The following NDUFAF6 variants were observed in gnomAD, a reference collection of about 807,000 sequenced individuals.
The protein encoded by NDUFAF6 is NADH dehydrogenase (ubiquinone) complex I, assembly factor 6.
Under a neutral mutation model 40.8 loss-of-function variants are expected in NDUFAF6, and 45 were observed. The ratio of observed to expected loss-of-function variants is 1.10; its 90% CI spans 0.87 to 1.42. NDUFAF6 has a LOEUF of 1.42. Ranked by LOEUF, NDUFAF6 falls within the 40% of genes most tolerant of loss-of-function variation. NDUFAF6 has a pLI of 0.00. For synonymous variants in NDUFAF6, 185 were observed against 155.9 expected, an observed-to-expected ratio of 1.19 and a Z score of -1.39; for missense variants, 435 against 418.5, an observed-to-expected ratio of 1.04 and a Z score of -0.34.
chr8:95,008,265 T>A (rs1210830284), intron 2 of NDUFAF6, among the ~76,000 whole-genome samples: 1 of 152,232 alleles, frequency 6.6e-6, no homozygotes, highest in Admixed American at 6.5e-5. Flanking sequence ...ATGATCATCA[T>A]CAACTCTTAC....
At chr8:94,944,846 C>A (rs1262194442) in intron 1 of NDUFAF6, among the ~76,000 whole-genome samples, 2 of 152,276 alleles carry the variant, frequency 1.3e-5, no homozygotes, top group East Asian at 3.9e-4. Context: ...GCTGAATCAC[C>A]TCGTCACTCT....
chr8:94,940,815 C>T, intron 1 of NDUFAF6: 1 of 1,586,372 alleles, frequency 6.3e-7, no homozygotes, highest in Non-Finnish European at 8.6e-7. Context: ...CACCAAGTAA[C>T]CAAGTGTACC....
downstream of NDUFAF6, among the ~76,000 whole-genome samples, chr8:95,078,369 C>T (rs889038945): frequency 3.3e-5 from 5 of 152,026 alleles, no homozygotes; most frequent in South Asian, 2.1e-4. Flanking sequence ...CCAGGCTGGG[C>T]GCAGTGGCTC....
intron 1 of NDUFAF6, among the ~76,000 whole-genome samples, chr8:94,935,132 GA>G (rs1248831601): frequency 1.7e-4 from 24 of 141,614 alleles, no homozygotes; most frequent in African/African-American, 5.6e-4. Flanking sequence ...GATAGATATA[GA>G]TAGATAGATA....
intron 1 of NDUFAF6, among the ~76,000 whole-genome samples, chr8:94,916,975 A>G (rs984383422): frequency 6.6e-6 from 1 of 151,566 alleles, no homozygotes; most frequent in Non-Finnish European, 1.5e-5. Flanking sequence ...TTAGCCAGGC[A>G]TGGTGGCGGG....
At chr8:94,980,930 C>A (rs1188173625) in exon 2 of NDUFAF6, 2 of 456,606 alleles carry the variant, frequency 4.4e-6, no homozygotes, top group Admixed American at 4.7e-5. Flanking sequence ...ATGACCCAGG[C>A]CTATGCCAAT....
At chr8:95,099,381 T>C (rs191432759), upstream of NDUFAF6, among the ~76,000 whole-genome samples, 70 of 151,394 alleles carry the variant, frequency 4.6e-4, no homozygotes, top group Admixed American at 4.1e-3. Context: ...CTCTCATCTG[T>C]GCCTTCCTCC....
At chr8:94,993,875 A>T (rs1041227600) in intron 2 of NDUFAF6, among the ~76,000 whole-genome samples, 2 of 152,238 alleles carry the variant, frequency 1.3e-5, no homozygotes, top group African/African-American at 2.4e-5. Context: ...TAGAGAAATT[A>T]TATAAAAACT....
At chr8:94,992,366 A>G (rs1052242521) in intron 2 of NDUFAF6, among the ~76,000 whole-genome samples, 3 of 152,176 alleles carry the variant, frequency 2.0e-5, no homozygotes, top group African/African-American at 7.2e-5. Flanking sequence ...GTGCACCTGC[A>G]GTCCCAGCTA....
At chr8:94,917,427 C>T (rs994263652) in intron 1 of NDUFAF6, among the ~76,000 whole-genome samples, 22 of 152,174 alleles carry the variant, frequency 1.4e-4, no homozygotes, top group African/African-American at 5.3e-4. Flanking sequence ...TATTTACCTC[C>T]TAATATAACA....
intron 1 of NDUFAF6, among the ~76,000 whole-genome samples, chr8:94,967,187 G>A (rs1824076373): frequency 6.6e-6 from 1 of 152,234 alleles, no homozygotes; most frequent in African/African-American, 2.4e-5. Flanking sequence ...GACCAAACTA[G>A]CTTAAACTTT....
intron 1 of NDUFAF6, among the ~76,000 whole-genome samples, chr8:94,896,215 T>C (rs1334942739): frequency 6.7e-6 from 1 of 148,738 alleles, no homozygotes; most frequent in Admixed American, 6.6e-5. Context: ...CCTGGCCGGG[T>C]GGGAAGAAAG....
At chr8:95,048,738 C>CA (rs1831098468) in intron 7 of NDUFAF6, among the ~76,000 whole-genome samples, 180 bp downstream of exon 7, 1 of 152,162 alleles carries the variant, frequency 6.6e-6, no homozygotes, top group African/African-American at 2.4e-5. Flanking sequence ...AGTCCCTCCC[C>CA]CCACCTCACA....
chr8:95,088,968 GC>G lies in NDUFAF6; in HGVS notation n.214-12162del, dbSNP rs1397910964. ...GTAGAGACAGGGTTTCACCATGTTGGCCAGGCTGGTCTTGAACTTCTGACCT... is the reference window on the plus strand; with the variant it reads ...GTAGAGACAGGGTTTCACCATGTTGGCAGGCTGGTCTTGAACTTCTGACCT... On this transcript the variant is annotated intron_variant and non_coding_transcript_variant, in intron 2 of 5. Coordinates refer to the NDUFAF6 transcript ENST00000523184. Among the ~76,000 whole-genome samples, 7 of 151,898 alleles carry G rather than the reference GC, an allele frequency of 4.6e-5. No individual in the cohort carries two copies. In the East Asian group the frequency reaches 1.2e-3, roughly 25 times the overall value.
chr8:95,006,646 T>C (rs1038925817), intron 2 of NDUFAF6, among the ~76,000 whole-genome samples: 6 of 152,046 alleles, frequency 3.9e-5, no homozygotes, highest in African/African-American at 1.4e-4. Context: ...TTTGGGAGGC[T>C]AAGGCGGGCG....
At chr8:95,004,711 T>C (rs562931710) in intron 2 of NDUFAF6, among the ~76,000 whole-genome samples, 1 of 152,224 alleles carries the variant, frequency 6.6e-6, no homozygotes, top group East Asian at 1.9e-4. Flanking sequence ...TGATCCTGAC[T>C]AATAACAGAG....
chr8:95,005,534 TATATATATATATATATATAA>T (rs1826927852), intron 2 of NDUFAF6, among the ~76,000 whole-genome samples: 1 of 131,976 alleles, frequency 7.6e-6, no homozygotes, highest in South Asian at 2.3e-4. Flanking sequence ...TAAATATATA[TATATATATATATATATATAA>T]AAAATATATT....
intron 2 of NDUFAF6, chr8:94,981,021 C>G (rs1042941229): frequency 2.2e-6 from 1 of 455,678 alleles, no homozygotes; most frequent in Admixed American, 2.4e-5. Flanking sequence ...CACAAAGAGG[C>G]TCTTTCCCCC....
chr8:95,001,131 T>A (rs1457411547), intron 2 of NDUFAF6, among the ~76,000 whole-genome samples: 1 of 151,896 alleles, frequency 6.6e-6, no homozygotes, highest in African/African-American at 2.4e-5. Flanking sequence ...TTTTTTAAAA[T>A]TTTTAATAGG....
Sources: allele counts gnomAD v4.1 joint callset (sites outside exome capture counted in the v4.1 genomes callset), GRCh38; gene constraint gnomAD v4.1.1; transcripts MANE v1.5; gene names NCBI Gene and HGNC (gene_info 2026-07-23, HGNC 2026-07-21).